The following C12orf42 variants were observed in gnomAD, a reference collection of about 807,000 sequenced individuals.
C12orf42 encodes chromosome 12 open reading frame 42, also known as uncharacterized protein C12orf42.
A neutral mutation model predicts 21.6 loss-of-function variants in C12orf42; 25 were observed. The ratio of observed to expected loss-of-function variants is 1.16; its 90% CI spans 0.84 to 1.62. The LOEUF (loss-of-function observed/expected upper bound fraction) is 1.62, where lower values mean the gene tolerates loss of function less well. Ranked by LOEUF, C12orf42 falls within the 40% of genes most tolerant of loss-of-function variation. The pLI is 0.00. For synonymous variants in C12orf42, 174 were observed against 175.0 expected (o/e 0.99, Z 0.05); for missense variants, 483 against 459.3 (o/e 1.05, Z -0.47).
chr12:103,156,603 C>A, the C12orf42 span, among the ~76,000 whole-genome samples: 1 of 151,974 alleles, frequency 6.6e-6, no homozygotes, highest in Non-Finnish European at 1.5e-5. Context: ...CACCTATTGA[C>A]CTGTCCTCTA....
In C12orf42 at chr12:103,386,371, G is replaced by A. The variant is rs139374359; in HGVS notation, c.147+15236C>T. Among the ~76,000 whole-genome samples, 181 of 152,012 alleles carry A rather than the reference G, an allele frequency of 1.2e-3. 2 individuals carry two copies. The highest frequency in any genetic ancestry group is 4.1e-3 in the African/African-American group (171 of 41,458). On this transcript the variant is annotated intron_variant, in intron 3 of 5. Transcript: ENST00000548883. ...CGGTGGCAGTTCCAACCTCTACTCC[G>A]GAACTGAACTGACCTTATCAGTACC...
intron 4 of C12orf42, among the ~76,000 whole-genome samples, chr12:103,318,273 G>C (rs1566070058): frequency 6.6e-6 from 1 of 151,954 alleles, no homozygotes; most frequent in Non-Finnish European, 1.5e-5. Flanking sequence ...AACAGAGCAA[G>C]ACTCCATCTC....
chr12:103,115,183 T>C, the C12orf42 span, among the ~76,000 whole-genome samples: 1 of 152,258 alleles, frequency 6.6e-6, no homozygotes, highest in South Asian at 2.1e-4. Context: ...TCCTTCTTCA[T>C]TGCTAGGCTG....
intron 2 of C12orf42, among the ~76,000 whole-genome samples, chr12:103,466,274 A>G (rs1953122509): frequency 6.6e-6 from 1 of 151,948 alleles, no homozygotes; most frequent in Non-Finnish European, 1.5e-5. Context: ...TCGTGAGTAA[A>G]ATTTTCTACA....
At chr12:103,284,999 A>T (rs1413894240) in intron 4 of C12orf42, among the ~76,000 whole-genome samples, 1 of 152,176 alleles carries the variant, frequency 6.6e-6, no homozygotes, top group Admixed American at 6.5e-5. Flanking sequence ...TAAGCAAATG[A>T]TTCCCTTATC....
At chr12:103,433,782 G>A (rs965934220) in intron 2 of C12orf42, among the ~76,000 whole-genome samples, 6 of 152,168 alleles carry the variant, frequency 3.9e-5, no homozygotes, top group African/African-American at 1.4e-4. Context: ...AAAATGAAAT[G>A]TTTGAGACAA....
chr12:103,283,202 A>C (rs2036237930), intron 4 of C12orf42, among the ~76,000 whole-genome samples: 1 of 152,224 alleles, frequency 6.6e-6, no homozygotes, highest in East Asian at 1.9e-4. Flanking sequence ...GCATGTCATC[A>C]GTATACCACG....
the C12orf42 span, among the ~76,000 whole-genome samples, chr12:103,132,445 C>T: frequency 2.0e-5 from 3 of 152,070 alleles, no homozygotes; most frequent in Admixed American, 2.0e-4. Context: ...CTCAGCAGGC[C>T]TCATAACTAA....
the C12orf42 span, among the ~76,000 whole-genome samples, chr12:103,090,890 G>A: frequency 6.6e-6 from 1 of 151,948 alleles, no homozygotes. Context: ...CCTGAGAGAG[G>A]GAGGGCTCTT....
At chr12:103,234,986 T>C (rs1291635782), downstream of C12orf42, among the ~76,000 whole-genome samples, 1 of 152,190 alleles carries the variant, frequency 6.6e-6, no homozygotes, top group Non-Finnish European at 1.5e-5. Context: ...TAAAAAAATA[T>C]GCAAATTTCC....
chr12:103,069,695 T>A, the C12orf42 span, among the ~76,000 whole-genome samples: 1 of 152,208 alleles, frequency 6.6e-6, no homozygotes, highest in Non-Finnish European at 1.5e-5. Flanking sequence ...GTATTTGATA[T>A]CTCCTATAAC....
chr12:103,495,464 G>A (rs961245041), intron 1 of C12orf42, among the ~76,000 whole-genome samples: 27 of 149,058 alleles, frequency 1.8e-4, no homozygotes, highest in South Asian at 8.3e-4. Context: ...GCATGCGGGC[G>A]GCGGCGAGCC....
At chr12:103,383,160 C>T (rs1262016180) in intron 3 of C12orf42, among the ~76,000 whole-genome samples, 2 of 150,056 alleles carry the variant, frequency 1.3e-5, no homozygotes, top group Non-Finnish European at 3.0e-5. Flanking sequence ...GAGTCTTGCT[C>T]TGTTGCCCAG....
intron 3 of C12orf42, among the ~76,000 whole-genome samples, chr12:103,370,160 C>A (rs546308273): frequency 6.6e-6 from 1 of 152,182 alleles, no homozygotes; most frequent in South Asian, 2.1e-4. Flanking sequence ...TAGAGAAATG[C>A]AAATCAAAAC....
chr12:103,196,114 T>A, the C12orf42 span, among the ~76,000 whole-genome samples: 1 of 152,164 alleles, frequency 6.6e-6, no homozygotes, highest in Non-Finnish European at 1.5e-5. Flanking sequence ...GTATCCCAAA[T>A]GTTTTGTTAT....
intron 4 of C12orf42, among the ~76,000 whole-genome samples, chr12:103,334,458 A>G (rs1437730851): frequency 6.6e-6 from 1 of 152,216 alleles, no homozygotes; most frequent in Non-Finnish European, 1.5e-5. Flanking sequence ...TCTTTCATCT[A>G]AAACCCTGAT....
intron 1 of C12orf42, among the ~76,000 whole-genome samples, chr12:103,492,413 C>A (rs1306137995): frequency 6.6e-6 from 1 of 152,250 alleles, no homozygotes; most frequent in Non-Finnish European, 1.5e-5. Context: ...AGGTCTTCGT[C>A]CTAATATTCC....
chr12:103,057,980 A>G, the C12orf42 span, among the ~76,000 whole-genome samples: 3 of 147,542 alleles, frequency 2.0e-5, no homozygotes, highest in African/African-American at 5.0e-5. Flanking sequence ...TTTTTTTGAC[A>G]GAGTCTCACT....
At chr12:103,273,747 A>C (rs1028581193) in intron 5 of C12orf42, 2 of 432,648 alleles carry the variant, frequency 4.6e-6, no homozygotes, top group Non-Finnish European at 9.4e-6. Flanking sequence ...GAAAAGGAGG[A>C]GGAGAAAGAG....
Sources: allele counts gnomAD v4.1 joint callset (sites outside exome capture counted in the v4.1 genomes callset), GRCh38; gene constraint gnomAD v4.1.1; transcripts MANE v1.5; gene names NCBI Gene and HGNC (gene_info 2026-07-23, HGNC 2026-07-21).